Variants in HEYL observed in about 807,000 individuals in gnomAD.
HEYL encodes hairy/enhancer-of-split related with YRPW motif-like protein.
In HEYL, 12 loss-of-function variants were observed where a neutral mutation model predicts 18.6. The ratio of observed to expected loss-of-function variants is 0.65; its 90% CI spans 0.41 to 1.05. The LOEUF is 1.05. Among genes scored for constraint, HEYL ranks in the 50% least tolerant of loss-of-function variants. HEYL has a pLI of 0.00. For missense variants in HEYL, 420 were observed against 444.7 expected (o/e 0.94, Z 0.50); for synonymous variants, 159 against 179.6 (o/e 0.89, Z 0.91).
chr1:39,630,198 T>C lies in HEYL; in HGVS notation c.313+29A>G, dbSNP rs371300256. 24 of 1,593,172 alleles carry C rather than the reference T, an allele frequency of 1.5e-5. No homozygotes were observed. In the African/African-American group the frequency reaches 2.4e-4, roughly 16 times the overall value. On this transcript the variant is annotated intron_variant, in intron 4 of 4. Coordinates refer to ENST00000372852, the MANE Select transcript of HEYL (RefSeq NM_014571.4). ...AGCCTCAAAATATTTGTTGTATGAA[T>C]GACGCCTGAAAGAGAAGAGCATGGG...
At chr1:39,630,487 G>C (rs576701417) in intron 3 of HEYL, among the ~76,000 whole-genome samples, 179 bp from the exon 4 acceptor site, 14 of 152,256 alleles carry the variant, frequency 9.2e-5, no homozygotes, top group African/African-American at 3.1e-4. Flanking sequence ...TCTCCTCTCA[G>C]ACCATCTGTC....
At position 39,625,478 on chromosome 1, in the gene HEYL, T is replaced by A. The variant is rs1485464777; in HGVS notation, c.*1029A>T. The A allele has an allele frequency of 6.6e-6, 1 of 152,284 alleles. No individual in the cohort carries two copies. 9.4% of individuals were successfully genotyped at this position (152,284 alleles called of 1,614,324 possible). A position where few individuals can be genotyped will look rare whatever the true frequency, so the allele number is the denominator to read the frequency against. ...CCTTTCTCTTGCCCCTCCTTGCAGT[T>A]ATTTTTGTCCAGCCTGACAGTCCTT... On this transcript the variant is annotated 3_prime_UTR_variant, in exon 5 of 5. Transcript: ENST00000372852.
In HEYL at chr1:39,626,400, A is replaced by C. The variant is rs1244355445; in HGVS notation, c.*107T>G. The C allele has an allele frequency of 2.9e-6, 3 of 1,028,896 alleles. No homozygotes were observed. Among genetic ancestry groups the C allele is most frequent in the Non-Finnish European group, 4.1e-6 (3 of 729,082 alleles). 63.7% of individuals were successfully genotyped at this position (1,028,896 alleles called of 1,614,324 possible). The stretch of plus-strand genomic sequence containing the variant: ...TCTGATGGCTGGAGAACGTGCCTTC[A>C]CATATGAGCCAGTCCATGAAGCAAA... On this transcript the variant is annotated 3_prime_UTR_variant, in exon 5 of 5. Transcript: ENST00000372852.
chr1:39,631,894 G>A (rs1400649309), intron 2 of HEYL, among the ~76,000 whole-genome samples: 2 of 152,240 alleles, frequency 1.3e-5, no homozygotes, highest in African/African-American at 4.8e-5. Flanking sequence ...CGGTGCTGGA[G>A]CAGGCCCTGG....
chr1:39,623,599 T>G lies in HEYL; in HGVS notation c.*2908A>C, dbSNP rs1646279101. Reference sequence around the variant, plus strand: ...AACAAGTAAATTACACAAATGGATATGCAGTGGCAAATTCTCCATGAAGGG... The same window carrying G: ...AACAAGTAAATTACACAAATGGATAGGCAGTGGCAAATTCTCCATGAAGGG... On this transcript the variant is annotated 3_prime_UTR_variant, in exon 5 of 5. Coordinates refer to ENST00000372852, the MANE Select transcript of HEYL (RefSeq NM_014571.4). Among the ~76,000 whole-genome samples the G allele has an allele frequency of 6.6e-6, 1 of 152,198 alleles. No individual in the cohort carries two copies. The highest frequency in any genetic ancestry group is 6.5e-5 in the Admixed American group (1 of 15,286).
rs1200369709 is a variant in HEYL at position 39,627,033 on chromosome 1, T to C, written c.461A>G (p.Asn154Ser). 1 of 1,613,902 alleles carries C rather than the reference T, an allele frequency of 6.2e-7. No homozygotes were observed. The highest frequency in any genetic ancestry group is 8.5e-7 in the Non-Finnish European group (1 of 1,179,974). ...PVRIRLLSHL[N>S]SYAAEMEPSP... is the part of the protein sequence containing the mutation. ...AGGCTCCATCTCGGCTGCGTAGCTG[T>C]TGAGGTGGGAGAGAAGGCGAATCCG... The change falls in exon 5 of 5, where the codon AAC (asparagine) becomes AGC (serine). Residue 154 changes from asparagine to serine, a missense_variant. Physicochemically the swap from Asn to Ser is conservative, Grantham distance 46 (BLOSUM62 1). Coordinates refer to ENST00000372852, the MANE Select transcript of HEYL (RefSeq NM_014571.4).
intron 4 of HEYL, among the ~76,000 whole-genome samples, chr1:39,628,408 T>C (rs1211014199): frequency 1.3e-5 from 2 of 151,784 alleles, no homozygotes; most frequent in African/African-American, 4.8e-5. Context: ...GCCTCCAAAG[T>C]AGCTGGGATT....
intron 1 of HEYL, 192 bp from the exon 2 acceptor site, chr1:39,632,907 C>T: frequency 1.0e-6 from 1 of 985,350 alleles, no homozygotes. Context: ...GCTCTTGGTC[C>T]GGACCTGCTC....
chr1:39,631,878 CA>C (rs1646335348), intron 2 of HEYL, among the ~76,000 whole-genome samples: 1 of 152,202 alleles, frequency 6.6e-6, no homozygotes, highest in Non-Finnish European at 1.5e-5. Flanking sequence ...ATGAGGACAC[CA>C]GCCACGGTGC....
rs200236163 is a variant in HEYL, at chr1:39,626,654, G to C, written c.840C>G (p.Ser280=). The C allele has an allele frequency of 3.3e-6, 5 of 1,531,688 alleles. No homozygotes were observed. The East Asian group carries it at 1.2e-4, about 36-fold the overall frequency. The allele number at this position is 1,531,688 out of a possible 1,614,324, so 94.9% of individuals were successfully genotyped here. The change falls in exon 5 of 5, where the codon TCC becomes TCG. Residue 280 remains serine (S), a synonymous_variant. Coordinates refer to ENST00000372852, the MANE Select transcript of HEYL (RefSeq NM_014571.4). ...SHIAPLLQSS[S]PTPPGPTGSA... ...ACCCTGTAGGACCAGGGGGTGTTGG[G>C]GAGGAAGACTGCAGGAGGGGAGCGA...
At chr1:39,627,971 G>A (rs1307036373) in intron 4 of HEYL, among the ~76,000 whole-genome samples, 1 of 152,152 alleles carries the variant, frequency 6.6e-6, no homozygotes, top group Non-Finnish European at 1.5e-5. Context: ...TATCGGCCAG[G>A]GACCCTCTCT....
At position 39,627,104 on chromosome 1, in the gene HEYL, C is replaced by A. The variant is rs781595560; in HGVS notation, c.390G>T (p.Arg130Ser). Residue 130 changes from arginine to serine, a missense_variant, in exon 5 of 5, where the codon AGG (arginine) becomes AGT (serine). Coordinates refer to ENST00000372852, the MANE Select transcript of HEYL (RefSeq NM_014571.4). ...TGGGCCCTTCAAGGACCCCCAGGTACCTGATGACCTCAGTGAGGCACTCCC... is the reference window on the plus strand; with the variant it reads ...TGGGCCCTTCAAGGACCCCCAGGTAACTGATGACCTCAGTGAGGCACTCCC... Reference protein sequence around the residue: ...GFRECLTEVIRYLGVLEGPSS... With the variant: ...GFRECLTEVISYLGVLEGPSS... 6.2e-7 allele frequency: 1 copy of A among 1,614,130 alleles called. No individual in the cohort carries two copies.
chr1:39,631,386 T>C, intron 3 of HEYL, 110 bp downstream of exon 3: 1 of 864,318 alleles, frequency 1.2e-6, no homozygotes, highest in South Asian at 1.4e-5. Context: ...TGGTAAATGA[T>C]CACAGCATCT....
chr1:39,630,867 C>T (rs1646329369), intron 3 of HEYL, among the ~76,000 whole-genome samples: 1 of 152,182 alleles, frequency 6.6e-6, no homozygotes, highest in African/African-American at 2.4e-5. Context: ...ATGGGAGTCC[C>T]TTGAGGGCAG....
rs1384286357 is a variant in HEYL, at chr1:39,631,593, A to G, written c.148-14T>C. Reference sequence around the variant, plus strand: ...TTTCTCTATGATCTAAACAATCATGACAAGAAGTTACTCACAGGTGTGTCA... The same window carrying G: ...TTTCTCTATGATCTAAACAATCATGGCAAGAAGTTACTCACAGGTGTGTCA... On this transcript the variant is annotated splice_polypyrimidine_tract_variant and intron_variant, in intron 2 of 4. Coordinates refer to ENST00000372852, the MANE Select transcript of HEYL (RefSeq NM_014571.4). The G allele has an allele frequency of 6.2e-7, 1 of 1,610,712 alleles. No homozygotes were observed. The highest frequency in any genetic ancestry group is 8.5e-7 in the Non-Finnish European group (1 of 1,176,980).
chr1:39,638,203 T>C (rs1646370079), intron 1 of HEYL, among the ~76,000 whole-genome samples: 1 of 152,262 alleles, frequency 6.6e-6, no homozygotes, highest in African/African-American at 2.4e-5. Flanking sequence ...ATATCTATTA[T>C]GGCATTTTCC....
In HEYL at chr1:39,626,676, G is replaced by A. The variant is rs1460438424; in HGVS notation, c.818C>T (p.Ala273Val). 6.6e-7 allele frequency: 1 copy of A among 1,517,076 alleles called. No homozygotes were observed. The highest frequency in any genetic ancestry group is 2.4e-5 in the East Asian group (1 of 41,902). 94.0% of individuals were successfully genotyped at this position (1,517,076 alleles called of 1,614,324 possible). A position where few individuals can be genotyped will look rare whatever the true frequency, so the allele number is the denominator to read the frequency against. The change falls in exon 5 of 5, where the codon GCT (alanine) becomes GTT (valine). Residue 273 changes from alanine (A) to valine (V), a missense_variant. Transcript: ENST00000372852. ...SSRAARSSHI[A>V]PLLQSSSPTP... ...TGGGGAGGAAGACTGCAGGAGGGGA[G>A]CGATGTGGCTGCTCCTGGCAGCCCT... is the stretch of plus-strand genomic sequence containing the variant.
rs141784681 is a variant in HEYL, at chr1:39,627,144, C to T, written c.350G>A (p.Arg117Gln). 133 of 1,613,302 alleles carry T rather than the reference C, an allele frequency of 8.2e-5. No homozygotes were observed. The highest frequency in any genetic ancestry group is 1.6e-4 in the African/African-American group (12 of 75,014). ...FDARALAVDF[R>Q]SIGFRECLTE... ...GAGGCACTCCCGAAAACCAATGCTCCGGAAGTCAACTGCCAGGGCTCGGGC... is the reference window on the plus strand; with the variant it reads ...GAGGCACTCCCGAAAACCAATGCTCTGGAAGTCAACTGCCAGGGCTCGGGC... Residue 117 changes from arginine (R) to glutamine (Q), a missense_variant, in exon 5 of 5, where the codon CGG (arginine) becomes CAG (glutamine). Arg to Gln is a conservative substitution (Grantham distance 43). Transcript: ENST00000372852.
At position 39,632,702 on chromosome 1, in the gene HEYL, G is replaced by T; in HGVS notation, c.94C>A (p.Pro32Thr). 1 of 1,614,018 alleles carries T rather than the reference G, an allele frequency of 6.2e-7. No homozygotes were observed. Among genetic ancestry groups the T allele is most frequent in the South Asian group, 1.1e-5 (1 of 91,088 alleles). The change falls in exon 2 of 5, where the codon CCG becomes ACG. Residue 32 changes from proline (P) to threonine (T), a missense_variant. Transcript: ENST00000372852. ...TGCGAAGAGCTGGGGGTGGACAGCG[G>T]CCTGGCCATCTGGCTGGAAAGGAAA... ...QEGQLSQMAR[P>T]LSTPSSSQMQ...
Sources: allele counts gnomAD v4.1 joint callset (sites outside exome capture counted in the v4.1 genomes callset), GRCh38; gene constraint gnomAD v4.1.1; transcripts MANE v1.5; gene names NCBI Gene and HGNC (gene_info 2026-07-23, HGNC 2026-07-21).